The following HDAC4 variants were observed in gnomAD, a reference collection of about 807,000 sequenced individuals.
The protein encoded by HDAC4 is histone deacetylase 4.
A neutral mutation model predicts 135.1 loss-of-function variants in HDAC4; 16 were observed. The ratio of observed to expected loss-of-function variants is 0.12; its 90% CI spans 0.08 to 0.18. The LOEUF is 0.18. Among genes scored for constraint, HDAC4 ranks in the 10% least tolerant of loss-of-function variants. HDAC4 has a pLI of 1.00. For synonymous variants in HDAC4, 685 were observed against 653.4 expected, an observed-to-expected ratio of 1.05 and a Z score of -0.74; for missense variants, 1,143 against 1,511.8, an observed-to-expected ratio of 0.76 and a Z score of 4.05.
intron 2 of HDAC4, among the ~76,000 whole-genome samples, chr2:239,333,813 T>C (rs1318260429): frequency 3.3e-5 from 5 of 152,208 alleles, no homozygotes; most frequent in African/African-American, 1.2e-4. Flanking sequence ...AAAAGTAAAC[T>C]GCATTCATCT....
intron 1 of HDAC4, among the ~76,000 whole-genome samples, chr2:239,354,789 A>G (rs1223318338): frequency 1.3e-5 from 2 of 152,064 alleles, no homozygotes; most frequent in African/African-American, 2.4e-5. Flanking sequence ...CAGGGTCAGA[A>G]TGTTTATTCA....
intron 15 of HDAC4, among the ~76,000 whole-genome samples, chr2:239,107,121 G>C (rs1258479530): frequency 3.9e-5 from 6 of 152,224 alleles, no homozygotes; most frequent in Admixed American, 3.3e-4. Context: ...GCTATCAGCA[G>C]GGCCTGGCCA....
rs555800322 is a variant in HDAC4, at chr2:239,325,963, A to G, written c.22+26715T>C. On this transcript the variant is annotated intron_variant, in intron 2 of 26. Coordinates refer to ENST00000543185, the MANE Select transcript of HDAC4 (RefSeq NM_001378414.1). ...GCTGGGCAACAGAGTGGGATGAAAA[A>G]AAAATAATAATAAATTAAGCACAAA... 7.9e-5 allele frequency among the ~76,000 whole-genome samples: 12 copies of G among 152,230 alleles called. 1 individual carries two copies. The highest frequency in any genetic ancestry group is 3.4e-3 in the Middle Eastern group (1 of 294).
At chr2:239,114,080 C>T (rs2038918909) in intron 13 of HDAC4, among the ~76,000 whole-genome samples, 1 of 152,194 alleles carries the variant, frequency 6.6e-6, no homozygotes, top group South Asian at 2.1e-4. Context: ...TACAAGGCCC[C>T]ACACTGATTC....
Position 239,157,728 on chromosome 2 carries a change from G to A in HDAC4, c.612-955C>T, listed in dbSNP as rs1188733704. On this transcript the variant is annotated intron_variant, in intron 6 of 26. Coordinates refer to ENST00000543185, the MANE Select transcript of HDAC4 (RefSeq NM_001378414.1). ...ATTGGTTAGACTATTTGAATACATA[G>A]TATGGCACACCAATGCACCTGGAGT... Among the ~76,000 whole-genome samples, 4 of 152,226 alleles carry A rather than the reference G, an allele frequency of 2.6e-5. No individual in the cohort carries two copies. In the East Asian group the frequency reaches 7.7e-4, roughly 29 times the overall value.
intron 2 of HDAC4, among the ~76,000 whole-genome samples, chr2:239,316,146 C>T (rs2053104400): frequency 6.6e-6 from 1 of 152,234 alleles, no homozygotes; most frequent in Non-Finnish European, 1.5e-5. Flanking sequence ...AAGTAATACA[C>T]TCCACTCCAA....
chr2:239,077,401 C>A (rs531650749), intron 22 of HDAC4, among the ~76,000 whole-genome samples: 1 of 152,244 alleles, frequency 6.6e-6, no homozygotes. Context: ...GAGGTCTTAC[C>A]GGGCCTGCCT....
At chr2:239,363,157 C>G (rs1280397913) in intron 1 of HDAC4, among the ~76,000 whole-genome samples, 2 of 152,154 alleles carry the variant, frequency 1.3e-5, no homozygotes, top group Non-Finnish European at 2.9e-5. Flanking sequence ...AATTAGAGAT[C>G]TCAATACAAG....
At position 239,068,727 on chromosome 2, in the gene HDAC4, G is replaced by T; in HGVS notation, c.2751-120C>A. 1.2e-6 allele frequency: 1 copy of T among 842,758 alleles called. No individual in the cohort carries two copies. Among genetic ancestry groups the T allele is most frequent in the Non-Finnish European group, 2.0e-6 (1 of 489,344 alleles). 52.2% of individuals were successfully genotyped at this position (842,758 alleles called of 1,614,324 possible). On this transcript the variant is annotated intron_variant, in intron 22 of 26. Coordinates refer to ENST00000543185, the MANE Select transcript of HDAC4 (RefSeq NM_001378414.1). This position sits in a 1 kb window ranked among gnomAD's most constrained non-coding sequence, Gnocchi z 4.4. Reference sequence around the variant, plus strand: ...GCCCCGCACCCCCTCGGCCACTGGCGGGCTGAGGGCTCCACACAGCAGGCT... The same window carrying T: ...GCCCCGCACCCCCTCGGCCACTGGCTGGCTGAGGGCTCCACACAGCAGGCT...
intron 2 of HDAC4, among the ~76,000 whole-genome samples, chr2:239,347,305 C>A (rs1336965532): frequency 1.3e-5 from 2 of 152,156 alleles, no homozygotes; most frequent in Non-Finnish European, 2.9e-5. Flanking sequence ...CAGAGGAGAG[C>A]CTTCTCCCTG....
chr2:239,228,486 G>A (rs745394004), intron 3 of HDAC4, among the ~76,000 whole-genome samples: 4 of 152,138 alleles, frequency 2.6e-5, no homozygotes, highest in Non-Finnish European at 4.4e-5. Context: ...TCTTGGCCCC[G>A]CAGTGTTTCC....
At chr2:239,215,261 G>C (rs2046569477) in intron 3 of HDAC4, among the ~76,000 whole-genome samples, 1 of 152,200 alleles carries the variant, frequency 6.6e-6, no homozygotes, top group South Asian at 2.1e-4. Flanking sequence ...GGTACCAGGA[G>C]CATGTGGTGT....
At chr2:239,273,734 C>A (rs528589523) in intron 2 of HDAC4, among the ~76,000 whole-genome samples, 75 of 152,342 alleles carry the variant, frequency 4.9e-4, no homozygotes, top group African/African-American at 1.8e-3. Flanking sequence ...GAGAGCTCTG[C>A]CGTGGCCACA....
chr2:239,053,701 T>C (rs534902400), intron 25 of HDAC4, 100 bp from the exon 26 acceptor site: 7 of 979,818 alleles, frequency 7.1e-6, no homozygotes, highest in Middle Eastern at 2.4e-4. Context: ...TCAAACCAGA[T>C]TGATCCCTTA....
chr2:239,066,641 T>C, intron 24 of HDAC4, 81 bp downstream of exon 24: 1 of 1,601,094 alleles, frequency 6.2e-7, no homozygotes. Context: ...TTTTTCATGC[T>C]CTGGGGCTCT....
At chr2:239,065,429 G>A (rs1003474649) in intron 24 of HDAC4, among the ~76,000 whole-genome samples, 6 of 152,200 alleles carry the variant, frequency 3.9e-5, no homozygotes, top group Admixed American at 1.3e-4. Context: ...AGGTGAGGTC[G>A]GATGGTAGAG....
Position 239,210,017 on chromosome 2 carries a change from C to T in HDAC4, c.95-19940G>A, listed in dbSNP as rs887246248. Among the ~76,000 whole-genome samples the T allele has an allele frequency of 4.6e-5, 7 of 152,290 alleles. 1 individual carries two copies. Among genetic ancestry groups the T allele is most frequent in the East Asian group, 1.9e-4 (1 of 5,182 alleles). ...GGGAGCAGCAGCAGCATGAATGAGA[C>T]GGGGCCTTCTAGAACAGTGGGCTTT... On this transcript the variant is annotated intron_variant, in intron 3 of 26. Transcript: ENST00000543185.
chr2:239,077,264 G>A (rs990498489), intron 22 of HDAC4, among the ~76,000 whole-genome samples: 14 of 152,242 alleles, frequency 9.2e-5, no homozygotes, highest in Non-Finnish European at 1.3e-4. Flanking sequence ...TTGCACCATC[G>A]GGCTCTGTTC....
intron 3 of HDAC4, among the ~76,000 whole-genome samples, chr2:239,220,654 C>T (rs981266636): frequency 5.9e-5 from 9 of 152,168 alleles, no homozygotes; most frequent in East Asian, 1.9e-4. Context: ...TAAACACCCA[C>T]GTATCCGGCT....
Sources: allele counts gnomAD v4.1 joint callset (sites outside exome capture counted in the v4.1 genomes callset), GRCh38; gene constraint gnomAD v4.1.1; non-coding constraint Gnocchi (gnomAD v3.1); transcripts MANE v1.5; gene names NCBI Gene and HGNC (gene_info 2026-07-23, HGNC 2026-07-21).